CUL4A: variants seen among roughly 807,000 people sequenced by gnomAD.
CUL4A encodes cullin 4A, also known as cullin-4A.
In CUL4A, 16 loss-of-function variants were observed where a neutral mutation model predicts 95.5. The observed-to-expected ratio is 0.17, with a 90% CI of 0.11 to 0.25. The LOEUF is 0.25. Among genes scored for constraint, CUL4A ranks in the 10% least tolerant of loss-of-function variants. CUL4A has a pLI of 1.00. For synonymous variants in CUL4A, 380 were observed against 353.1 expected (o/e 1.08, Z -0.85); for missense variants, 610 against 937.0 (o/e 0.65, Z 4.56).
rs1200923210 is a variant in CUL4A at position 113,264,226 on chromosome 13, G to A, written c.*644G>A. 2 of 152,196 alleles carry A rather than the reference G, an allele frequency of 1.3e-5. No homozygotes were observed. The highest frequency in any genetic ancestry group is 2.4e-5 in the African/African-American group (1 of 41,434). The allele number at this position is 152,196 out of a possible 1,614,324, so 9.4% of individuals were successfully genotyped here. The stretch of plus-strand genomic sequence containing the variant: ...CTGAGGTGCCAAGGCCATGGTGTCC[G>A]CCCTGCTGCGTCTGTTCGTCAGCTG... On this transcript the variant is annotated 3_prime_UTR_variant, in exon 20 of 20. Transcript: ENST00000375440.
At chr13:113,236,374 G>C (rs1039280419) in intron 8 of CUL4A, among the ~76,000 whole-genome samples, 5 of 152,182 alleles carry the variant, frequency 3.3e-5, no homozygotes, top group African/African-American at 4.8e-5. Flanking sequence ...GAGAGCGGCA[G>C]CCACAGCGAA....
intron 2 of CUL4A, among the ~76,000 whole-genome samples, chr13:113,217,085 C>T (rs984221358): frequency 1.3e-5 from 2 of 152,158 alleles, no homozygotes; most frequent in Admixed American, 6.5e-5. Flanking sequence ...GATATTGGTT[C>T]TTGGTCTAGG....
rs1429864245 is a variant in CUL4A, at chr13:113,264,076, C to G, written c.*494C>G. On this transcript the variant is annotated 3_prime_UTR_variant, in exon 20 of 20. Transcript: ENST00000375440. Reference sequence around the variant, plus strand: ...TTCATGGGTGAACATTAGAAAGAGCCAGGGTTCAAAGCTGGCGAATGGATG... The same window carrying G: ...TTCATGGGTGAACATTAGAAAGAGCGAGGGTTCAAAGCTGGCGAATGGATG... The G allele has an allele frequency of 2.6e-5, 4 of 152,448 alleles. No homozygotes were observed. Among genetic ancestry groups the G allele is most frequent in the Non-Finnish European group, 5.9e-5 (4 of 68,058 alleles). The allele number at this position is 152,448 out of a possible 1,614,324, so 9.4% of individuals were successfully genotyped here. A position where few individuals can be genotyped will look rare whatever the true frequency, so the allele number is the denominator to read the frequency against.
At chr13:113,212,867 C>T (rs773200120) in intron 2 of CUL4A, among the ~76,000 whole-genome samples, 3 of 152,184 alleles carry the variant, frequency 2.0e-5, no homozygotes, top group African/African-American at 7.2e-5. Flanking sequence ...TACTGAATTG[C>T]CTTTGCTCCT....
intron 2 of CUL4A, among the ~76,000 whole-genome samples, chr13:113,216,286 C>T (rs2040690655): frequency 1.3e-5 from 2 of 152,194 alleles, no homozygotes; most frequent in African/African-American, 2.4e-5. Context: ...TGCCCTTATC[C>T]GCAGTGAGCA....
intron 3 of CUL4A, among the ~76,000 whole-genome samples, chr13:113,223,983 G>C (rs1212586031): frequency 6.6e-6 from 1 of 152,180 alleles, no homozygotes; most frequent in Non-Finnish European, 1.5e-5. Context: ...ACAGGCAGCT[G>C]CTGCAGAACC....
chr13:113,251,443 CAG>C (rs1595419885), intron 15 of CUL4A, among the ~76,000 whole-genome samples: 2 of 152,238 alleles, frequency 1.3e-5, no homozygotes, highest in East Asian at 1.9e-4. Context: ...TCCAGAGACA[CAG>C]GGAATGGTGA....
chr13:113,261,265 G>A (rs1056865641), intron 19 of CUL4A, among the ~76,000 whole-genome samples: 22 of 152,128 alleles, frequency 1.4e-4, no homozygotes, highest in African/African-American at 4.3e-4. Flanking sequence ...GGATAAGCCG[G>A]GAAAGTATTA....
intron 2 of CUL4A, among the ~76,000 whole-genome samples, chr13:113,211,925 T>C (rs968270789): frequency 3.3e-5 from 5 of 152,156 alleles, no homozygotes; most frequent in Non-Finnish European, 5.9e-5. Flanking sequence ...CACCAGCGTG[T>C]GCGTCTCTCC....
intron 6 of CUL4A, 147 bp downstream of exon 6, chr13:113,233,486 A>G (rs2041431451): frequency 1.3e-6 from 1 of 743,162 alleles, no homozygotes; most frequent in Admixed American, 2.9e-5. Flanking sequence ...GAAGGGGAAT[A>G]GCGCTCAAGC....
intron 3 of CUL4A, among the ~76,000 whole-genome samples, chr13:113,220,273 C>T (rs1221322492): frequency 3.3e-5 from 5 of 152,170 alleles, no homozygotes; most frequent in East Asian, 1.9e-4. Context: ...CACAGCACCC[C>T]GCACAGATGT....
chr13:113,260,060 C>A (rs138079156), intron 18 of CUL4A, among the ~76,000 whole-genome samples: 10 of 150,194 alleles, frequency 6.7e-5, no homozygotes, highest in Admixed American at 5.4e-4. Context: ...AAAAATGAGC[C>A]GGGCATGGTG....
At chr13:113,251,371 A>G (rs913811723) in intron 15 of CUL4A, among the ~76,000 whole-genome samples, 2 of 152,222 alleles carry the variant, frequency 1.3e-5, no homozygotes, top group Admixed American at 6.5e-5. Flanking sequence ...GGCACAGGCC[A>G]GGTCTGTGAG....
At chr13:113,245,870 T>C in intron 14 of CUL4A, 86 bp from the exon 15 acceptor site, 1 of 1,011,556 alleles carries the variant, frequency 9.9e-7, no homozygotes, top group Non-Finnish European at 1.5e-6. Flanking sequence ...AAACTTTATA[T>C]TGAAAATTAC....
intron 3 of CUL4A, among the ~76,000 whole-genome samples, chr13:113,225,346 A>C (rs149192234): frequency 4.1e-4 from 62 of 152,354 alleles, no homozygotes; most frequent in African/African-American, 1.4e-3. Context: ...TAGAAGGCCA[A>C]AGCTTACTTA....
In CUL4A at chr13:113,241,546, ACT is replaced by A. The variant is rs2041710476; in HGVS notation, c.1036-1419_1036-1418del. Among the ~76,000 whole-genome samples the A allele has an allele frequency of 3.3e-5, 4 of 121,574 alleles. No individual in the cohort carries two copies. The South Asian group carries it at 1.0e-3, about 32-fold the overall frequency. 79.8% of individuals were successfully genotyped at this position (121,574 alleles called of 152,430 possible). The stretch of plus-strand genomic sequence containing the variant: ...TTTTTTTTTTTTGAGGTGGAGTCTC[ACT>A]CTGTCATCCAGGCTGGAGTGTAGTG... On this transcript the variant is annotated intron_variant, in intron 10 of 19. Transcript: ENST00000375440.
chr13:113,255,767 G>A (rs1026943048), intron 18 of CUL4A, among the ~76,000 whole-genome samples: 5 of 152,146 alleles, frequency 3.3e-5, no homozygotes, highest in Admixed American at 2.6e-4. Flanking sequence ...AGGATTCTCC[G>A]TTGTCTGGAT....
In CUL4A at chr13:113,210,040, C is replaced by G. The variant is rs1416440096; in HGVS notation, c.216C>G (p.Ala72=). The G allele has an allele frequency of 8.5e-6, 13 of 1,525,606 alleles. No homozygotes were observed. The highest frequency in any genetic ancestry group is 1.4e-5 in the African/African-American group (1 of 69,384). The allele number at this position is 1,525,606 out of a possible 1,614,324, so 94.5% of individuals were successfully genotyped here. The change falls in exon 2 of 20, where the codon GCC becomes GCG. Residue 72 remains alanine (A), a synonymous_variant. Coordinates refer to ENST00000375440, the MANE Select transcript of CUL4A (RefSeq NM_001008895.4). ...GGAAGCTGCACGAGGCGGTGCGGGCCGTGCAGAGCAGCACCTCCATCAGGT... is the reference window on the plus strand; with the variant it reads ...GGAAGCTGCACGAGGCGGTGCGGGCGGTGCAGAGCAGCACCTCCATCAGGT... The part of the protein sequence containing the change: ...TWRKLHEAVR[A]VQSSTSIRYN...
At chr13:113,229,856 C>G (rs2041245866) in intron 5 of CUL4A, 1 of 465,776 alleles carries the variant, frequency 2.1e-6, no homozygotes, top group Middle Eastern at 5.4e-4. Flanking sequence ...CGGAGAAAGA[C>G]TGCCTGCTGC....
Sources: gnomAD v4.1 joint callset for allele counts (sites outside exome capture counted in the v4.1 genomes callset) on GRCh38, gnomAD v4.1.1 for gene constraint, MANE v1.5 for transcripts, NCBI Gene and HGNC (gene_info 2026-07-23, HGNC 2026-07-21) for gene names.